Variants in RABGAP1L observed in about 807,000 individuals in gnomAD.
RABGAP1L encodes the protein rab GTPase-activating protein 1-like.
RABGAP1L carries 63 observed loss-of-function variants against 137.7 expected under a neutral mutation model. The observed-to-expected ratio is 0.46, with a 90% CI of 0.37 to 0.56. The LOEUF is 0.56. Among genes scored for constraint, RABGAP1L ranks in the 20% least tolerant of loss-of-function variants. The pLI, the probability that RABGAP1L is intolerant of heterozygous loss-of-function variation, is 0.00. For synonymous variants in RABGAP1L, 431 were observed against 433.7 expected (o/e 0.99, Z 0.08); for missense variants, 1,095 against 1,244.0 (o/e 0.88, Z 1.80).
At chr1:174,702,769 T>C (rs1466561541) in intron 17 of RABGAP1L, among the ~76,000 whole-genome samples, 1 of 152,148 alleles carries the variant, frequency 6.6e-6, no homozygotes, top group Non-Finnish European at 1.5e-5. Flanking sequence ...TATAGTAGAA[T>C]ATTTCAAAAA....
intron 13 of RABGAP1L, among the ~76,000 whole-genome samples, chr1:174,636,363 C>T (rs1433268240): frequency 6.6e-6 from 1 of 151,902 alleles, no homozygotes; most frequent in Non-Finnish European, 1.5e-5. Context: ...ACTAAAAATA[C>T]ACACACACAA....
intron 11 of RABGAP1L, among the ~76,000 whole-genome samples, chr1:174,364,394 A>G (rs1684431302): frequency 6.7e-6 from 1 of 148,630 alleles, no homozygotes; most frequent in South Asian, 2.1e-4. Context: ...AGCTGGGACT[A>G]CAGGCGCCCG....
chr1:174,191,295 A>C (rs1667195937), intron 1 of RABGAP1L, among the ~76,000 whole-genome samples: 1 of 152,202 alleles, frequency 6.6e-6, no homozygotes, highest in South Asian at 2.1e-4. Flanking sequence ...GAAAAACAAA[A>C]ATCATTTCCT....
At chr1:174,431,064 A>G (rs1224722800) in intron 13 of RABGAP1L, among the ~76,000 whole-genome samples, 2 of 152,150 alleles carry the variant, frequency 1.3e-5, no homozygotes, top group Non-Finnish European at 1.5e-5. Context: ...TATAAGAGAA[A>G]ATTTTCTTTT....
intron 14 of RABGAP1L, among the ~76,000 whole-genome samples, chr1:174,661,731 A>C (rs1676384180): frequency 6.6e-6 from 1 of 152,162 alleles, no homozygotes; most frequent in East Asian, 1.9e-4. Context: ...CTGTAACGAC[A>C]TTTCAGTCAA....
chr1:174,454,439 A>T (rs532131908), intron 13 of RABGAP1L, among the ~76,000 whole-genome samples: 12 of 152,068 alleles, frequency 7.9e-5, no homozygotes, highest in African/African-American at 1.9e-4. Flanking sequence ...TTTACAATAA[A>T]CTTGACAACC....
chr1:174,987,419 C>T (rs1385032356), intron 24 of RABGAP1L, among the ~76,000 whole-genome samples: 1 of 152,186 alleles, frequency 6.6e-6, no homozygotes, highest in Non-Finnish European at 1.5e-5. Context: ...CCCACCTTAG[C>T]CTCCCAAAGT....
chr1:174,887,214 A>G (rs1313522369), intron 19 of RABGAP1L, among the ~76,000 whole-genome samples: 3 of 152,204 alleles, frequency 2.0e-5, no homozygotes, highest in Non-Finnish European at 4.4e-5. Context: ...GGGAGGGGAA[A>G]GTGAGTATTT....
chr1:174,271,208 A>G (rs926207408), intron 7 of RABGAP1L, among the ~76,000 whole-genome samples: 5 of 152,196 alleles, frequency 3.3e-5, no homozygotes, highest in East Asian at 3.9e-4. Context: ...GTACGTGATC[A>G]TTTTTGGGTG....
rs550697016 is a variant in RABGAP1L at position 174,874,385 on chromosome 1, C to T, written c.2340+62425C>T. Reference sequence around the variant, plus strand: ...TGACCATGAGGAAACTGAAACCTAGCGAAGTTAAATGACTTGCCCGGGGAC... The same window carrying T: ...TGACCATGAGGAAACTGAAACCTAGTGAAGTTAAATGACTTGCCCGGGGAC... On this transcript the variant is annotated intron_variant, in intron 19 of 25. Transcript: ENST00000681986. The T allele has an allele frequency of 6.4e-5, 50 of 779,502 alleles. 1 individual carries two copies. The African/African-American group carries it at 9.1e-4, about 14-fold the overall frequency. The allele number at this position is 779,502 out of a possible 1,614,324, so 48.3% of individuals were successfully genotyped here. A position where few individuals can be genotyped will look rare whatever the true frequency, so the allele number is the denominator to read the frequency against.
At chr1:174,326,592 A>G (rs888642340) in intron 11 of RABGAP1L, among the ~76,000 whole-genome samples, 3 of 152,142 alleles carry the variant, frequency 2.0e-5, no homozygotes, top group Non-Finnish European at 4.4e-5. Flanking sequence ...TCTGTGTATC[A>G]TTGATGTTCG....
rs146453717 is a variant in RABGAP1L at position 174,576,211 on chromosome 1, G to C, written c.1711-61164G>C. Among the ~76,000 whole-genome samples, 42 of 152,298 alleles carry C rather than the reference G, an allele frequency of 2.8e-4. No individual in the cohort carries two copies. In the East Asian group the frequency reaches 5.0e-3, roughly 18 times the overall value. On this transcript the variant is annotated intron_variant, in intron 13 of 25. Transcript: ENST00000681986. ...CTGGTTAGACCAGAAATACTCAGAA[G>C]GGAGTATGCCTTAACCCTAAAGAGG...
intron 14 of RABGAP1L, among the ~76,000 whole-genome samples, chr1:174,658,603 G>A (rs1463909776): frequency 6.6e-6 from 1 of 152,108 alleles, no homozygotes; most frequent in Non-Finnish European, 1.5e-5. Flanking sequence ...GTGCCAGGAT[G>A]TCACCCTAGG....
chr1:174,947,724 T>A (rs1170381356), intron 19 of RABGAP1L, among the ~76,000 whole-genome samples: 1 of 152,222 alleles, frequency 6.6e-6, no homozygotes, highest in Non-Finnish European at 1.5e-5. Flanking sequence ...CCAGCCAGCC[T>A]GTTTAATTTC....
At chr1:174,878,729 TAAAG>T (rs1653582715) in intron 19 of RABGAP1L, among the ~76,000 whole-genome samples, 2 of 151,608 alleles carry the variant, frequency 1.3e-5, no homozygotes, top group African/African-American at 4.8e-5. Context: ...AATAAAAAAA[TAAAG>T]GAGAAAGCTA....
At chr1:174,731,354 G>A (rs925566485) in intron 17 of RABGAP1L, among the ~76,000 whole-genome samples, 6 of 152,146 alleles carry the variant, frequency 3.9e-5, no homozygotes, top group African/African-American at 1.4e-4. Context: ...AAGCTACTAG[G>A]ATTTGTATGG....
chr1:174,325,184 C>G (rs61828625), intron 11 of RABGAP1L, among the ~76,000 whole-genome samples: 13,740 of 152,224 alleles, frequency 0.09, 837 homozygotes, highest in East Asian at 0.22. Flanking sequence ...TGTGTCTTAG[C>G]AAATGCTATT....
At chr1:174,538,263 C>T (rs577797132) in intron 13 of RABGAP1L, among the ~76,000 whole-genome samples, 1 of 152,338 alleles carries the variant, frequency 6.6e-6, no homozygotes, top group Non-Finnish European at 1.5e-5. Context: ...TCCTGCTTTT[C>T]AACCTAGGAG....
chr1:174,634,539 A>G (rs1330650921), intron 13 of RABGAP1L, among the ~76,000 whole-genome samples: 2 of 145,320 alleles, frequency 1.4e-5, no homozygotes, highest in East Asian at 2.0e-4. Context: ...CTGGGTATAT[A>G]CCCAAATGAC....
Sources: allele counts gnomAD v4.1 joint callset (sites outside exome capture counted in the v4.1 genomes callset), GRCh38; gene constraint gnomAD v4.1.1; transcripts MANE v1.5; gene names NCBI Gene and HGNC (gene_info 2026-07-23, HGNC 2026-07-21).